The following GREB1L variants were observed in gnomAD, a reference collection of about 807,000 sequenced individuals.
GREB1L encodes the protein GREB1 like retinoic acid receptor coactivator, also known as GREB1-like protein.
Under a neutral mutation model 200.8 loss-of-function variants are expected in GREB1L, and 17 were observed. That is an observed-to-expected ratio of 0.08 (90% confidence interval 0.06 to 0.13). The LOEUF is 0.13. Ranked by LOEUF, GREB1L falls within the 10% of genes least tolerant of loss-of-function variation. The pLI, the probability that GREB1L is intolerant of heterozygous loss-of-function variation, is 1.00. For synonymous variants in GREB1L, 789 were observed against 893.0 expected (o/e 0.88, Z 2.08); for missense variants, 1,657 against 2,367.7 (o/e 0.70, Z 6.23).
chr18:21,415,856 A>G (rs560987871), intron 7 of GREB1L, among the ~76,000 whole-genome samples: 16 of 152,342 alleles, frequency 1.1e-4, no homozygotes, highest in Non-Finnish European at 2.1e-4. Flanking sequence ...TTTCCAAATA[A>G]TTTAACTGTA....
chr18:21,470,648 CAAT>C (rs1457863053), intron 15 of GREB1L, among the ~76,000 whole-genome samples: 1 of 151,924 alleles, frequency 6.6e-6, no homozygotes, highest in East Asian at 1.9e-4. Context: ...TATTAGTAAA[CAAT>C]GATAGTTTTG....
chr18:21,524,777 C>CA lies in GREB1L; in HGVS notation c.*1959dup, dbSNP rs984673556. 4 of 151,852 alleles carry CA rather than the reference C, an allele frequency of 2.6e-5. No individual in the cohort carries two copies. Among genetic ancestry groups the CA allele is most frequent in the Admixed American group, 6.6e-5 (1 of 15,228 alleles). The allele number at this position is 151,852 out of a possible 1,614,324, so 9.4% of individuals were successfully genotyped here. ...TAGTTAGGGCTGCACTCTGAAAATT[C>CA]AAATTATTATTATGAGCTCTTAAAT... On this transcript the variant is annotated 3_prime_UTR_variant, in exon 33 of 33. Coordinates refer to ENST00000424526, the MANE Select transcript of GREB1L (RefSeq NM_001142966.3).
intron 1 of GREB1L, among the ~76,000 whole-genome samples, chr18:21,298,157 C>T (rs140560146): frequency 3.3e-4 from 50 of 152,238 alleles, no homozygotes; most frequent in African/African-American, 1.2e-3. Flanking sequence ...GTATGTCAAA[C>T]TGATTTATTC....
At chr18:21,352,671 C>T (rs1430326520) in intron 1 of GREB1L, among the ~76,000 whole-genome samples, 5 of 151,446 alleles carry the variant, frequency 3.3e-5, no homozygotes, top group Non-Finnish European at 5.9e-5. Context: ...TGAGCTCAAA[C>T]AATCCACCCG....
intron 7 of GREB1L, among the ~76,000 whole-genome samples, chr18:21,436,097 C>T (rs1023270804): frequency 3.3e-5 from 5 of 152,110 alleles, no homozygotes; most frequent in African/African-American, 1.2e-4. Flanking sequence ...TGATTGCCAT[C>T]ATCTGAGACA....
intron 1 of GREB1L, among the ~76,000 whole-genome samples, chr18:21,361,400 A>AG (rs2039578162): frequency 6.6e-6 from 1 of 152,176 alleles, no homozygotes; most frequent in African/African-American, 2.4e-5. Context: ...TCTGATTGGA[A>AG]GGGGCACATG....
At chr18:21,426,973 C>CAAAAAAAAAAAAA (rs56776768) in intron 7 of GREB1L, among the ~76,000 whole-genome samples, 1 of 83,788 alleles carries the variant, frequency 1.2e-5, no homozygotes, top group African/African-American at 3.2e-5. Context: ...AAAAAAAAAA[C>CAAAAAAAAAAAAA]AAAAAAAAAA....
intron 1 of GREB1L, among the ~76,000 whole-genome samples, chr18:21,285,887 A>C (rs1051578959): frequency 1.2e-4 from 19 of 152,200 alleles, no homozygotes; most frequent in Non-Finnish European, 2.9e-5. Context: ...ACAGCTTAGC[A>C]TGGTCTTCAG....
In GREB1L at chr18:21,304,774, A is replaced by G. The variant is rs199539495; in HGVS notation, c.-119-61253A>G. Among the ~76,000 whole-genome samples the G allele has an allele frequency of 2.6e-5, 4 of 152,114 alleles. No individual in the cohort carries two copies. The East Asian group carries it at 7.7e-4, about 29-fold the overall frequency. On this transcript the variant is annotated intron_variant, in intron 1 of 32. Transcript: ENST00000424526. ...AGCAGCTTGGTATTGTCAATAACTG[A>G]GAGGAGAGGGGGAATGGGAATGGAA...
chr18:21,273,707 A>C (rs2038115275), intron 1 of GREB1L, among the ~76,000 whole-genome samples: 1 of 152,200 alleles, frequency 6.6e-6, no homozygotes, highest in Admixed American at 6.5e-5. Flanking sequence ...ATTGAGACAA[A>C]GCACAATGGA....
At position 21,522,886 on chromosome 18, in the gene GREB1L, T is replaced by C; in HGVS notation, c.*65T>C. On this transcript the variant is annotated 3_prime_UTR_variant, in exon 33 of 33. Coordinates refer to ENST00000424526, the MANE Select transcript of GREB1L (RefSeq NM_001142966.3). ...GGGATGGGACAGAAACAATTTGGGA[T>C]TTTTCTTTTTCCTTTAAAGTACAAT... 7.1e-7 allele frequency: 1 copy of C among 1,401,736 alleles called. No homozygotes were observed. The highest frequency in any genetic ancestry group is 9.5e-7 in the Non-Finnish European group (1 of 1,050,314). 86.8% of individuals were successfully genotyped at this position (1,401,736 alleles called of 1,614,324 possible).
chr18:21,379,453 G>A lies in GREB1L; in HGVS notation c.-9-4057G>A, dbSNP rs189118745. ...ACTCCTGACCTCAGGTGATCTGCCC[G>A]CCTTGGCCTCTCAAGTGCTGAGATT... On this transcript the variant is annotated intron_variant, in intron 2 of 32. Transcript: ENST00000424526. 6.7e-4 allele frequency among the ~76,000 whole-genome samples: 102 copies of A among 152,240 alleles called. No individual in the cohort carries two copies. The East Asian group carries it at 0.015, about 23-fold the overall frequency.
chr18:21,373,119 C>T (rs534290255), intron 2 of GREB1L, among the ~76,000 whole-genome samples: 1 of 152,168 alleles, frequency 6.6e-6, no homozygotes, highest in East Asian at 1.9e-4. Flanking sequence ...GAGTGTGCTT[C>T]ATATCGTCTC....
intron 23 of GREB1L, among the ~76,000 whole-genome samples, chr18:21,502,988 T>C (rs1263484268): frequency 6.6e-6 from 1 of 152,212 alleles, no homozygotes; most frequent in Non-Finnish European, 1.5e-5. Flanking sequence ...TGCAGGTTAA[T>C]GCAATGGTGC....
At chr18:21,375,168 G>A (rs1337855876) in intron 2 of GREB1L, among the ~76,000 whole-genome samples, 12 of 151,580 alleles carry the variant, frequency 7.9e-5, no homozygotes, top group Non-Finnish European at 1.3e-4. Flanking sequence ...GGGTTCAAGC[G>A]ATTCTTCTGC....
intron 1 of GREB1L, among the ~76,000 whole-genome samples, chr18:21,246,186 T>C (rs2037598722): frequency 6.6e-6 from 1 of 152,208 alleles, no homozygotes; most frequent in Non-Finnish European, 1.5e-5. Context: ...TAGTACTCAT[T>C]GGCAATATTG....
At chr18:21,487,543 A>AATC (rs1233261519) in intron 18 of GREB1L, among the ~76,000 whole-genome samples, 1 of 152,202 alleles carries the variant, frequency 6.6e-6, no homozygotes, top group East Asian at 1.9e-4. Context: ...TATTGAACTG[A>AATC]AGGATTTCTT....
rs1479353793 is a variant in GREB1L at position 21,525,696 on chromosome 18, A to AAAC, written c.*2876_*2878dup. The stretch of plus-strand genomic sequence containing the variant: ...TGTTAATCTCCAGTTAAAACTTCTC[A>AAAC]AACTTTTTGAGAGTGTCTCAAAGTT... On this transcript the variant is annotated 3_prime_UTR_variant, in exon 33 of 33. Transcript: ENST00000424526. 6.6e-6 allele frequency among the ~76,000 whole-genome samples: 1 copy of AAAC among 152,204 alleles called. No homozygotes were observed.
intron 1 of GREB1L, among the ~76,000 whole-genome samples, chr18:21,361,176 G>A: frequency 6.6e-6 from 1 of 152,174 alleles, no homozygotes; most frequent in East Asian, 1.9e-4. Flanking sequence ...GGATATCAAA[G>A]TATACACTGG....
Sources: gnomAD v4.1 joint callset for allele counts (sites outside exome capture counted in the v4.1 genomes callset) on GRCh38, gnomAD v4.1.1 for gene constraint, MANE v1.5 for transcripts, NCBI Gene and HGNC (gene_info 2026-07-23, HGNC 2026-07-21) for gene names.